Variants in CEP78 observed in about 807,000 individuals in gnomAD.
CEP78 encodes centrosomal protein of 78 kDa.
Under a neutral mutation model 81.2 loss-of-function variants are expected in CEP78, and 76 were observed. That is an observed-to-expected ratio of 0.94 (90% CI 0.78 to 1.13). The LOEUF is 1.13. CEP78 is among the 50% of genes most tolerant of loss of function. The pLI is 0.00. For synonymous variants in CEP78, 293 were observed against 301.4 expected (o/e 0.97, Z 0.29); for missense variants, 918 against 846.8 (o/e 1.08, Z -1.04).
At chr9:78,261,237 G>A (rs1425724917) in intron 11 of CEP78, among the ~76,000 whole-genome samples, 4 of 152,096 alleles carry the variant, frequency 2.6e-5, no homozygotes, top group Non-Finnish European at 4.4e-5. Context: ...ACCGTGCTCA[G>A]CCAGAATACT....
intron 1 of CEP78, among the ~76,000 whole-genome samples, chr9:78,237,660 T>A (rs1002782229): frequency 6.6e-6 from 1 of 151,904 alleles, no homozygotes; most frequent in African/African-American, 2.4e-5. Context: ...TGTCATAGAG[T>A]TGGATGTTTA....
intron 1 of CEP78, 73 bp downstream of exon 1, chr9:78,236,676 G>A: frequency 9.4e-6 from 14 of 1,491,008 alleles, no homozygotes; most frequent in Non-Finnish European, 1.2e-5. Flanking sequence ...GGTGTCCATT[G>A]TCGGGGTATG....
At chr9:78,242,461 A>G (rs1249547756) in intron 4 of CEP78, among the ~76,000 whole-genome samples, 1 of 152,200 alleles carries the variant, frequency 6.6e-6, no homozygotes, top group African/African-American at 2.4e-5. Flanking sequence ...ACTTGTGACC[A>G]TGGGCAAATT....
At position 78,266,790 on chromosome 9, in the gene CEP78, A is replaced by G. The variant is rs752288295; in HGVS notation, c.2107+87A>G. 22 of 1,541,390 alleles carry G rather than the reference A, an allele frequency of 1.4e-5. No individual in the cohort carries two copies. The South Asian group carries it at 2.7e-4, about 19-fold the overall frequency. ...TGACTGTCCTGAAAACCAGAAAAGC[A>G]AAGAAACTAGGGAAACTAGTTCTTT... On this transcript the variant is annotated intron_variant, in intron 16 of 16. Coordinates refer to ENST00000643273, the MANE Select transcript of CEP78 (RefSeq NM_001330691.3).
At chr9:78,261,286 A>G (rs938524083) in intron 11 of CEP78, among the ~76,000 whole-genome samples, 2 of 152,154 alleles carry the variant, frequency 1.3e-5, no homozygotes, top group Non-Finnish European at 2.9e-5. Context: ...AAATCTGCAT[A>G]TAATGGGCCT....
chr9:78,251,901 C>T lies in CEP78; in HGVS notation c.1070-7C>T, dbSNP rs1826778438. The T allele has an allele frequency of 1.2e-6, 2 of 1,602,706 alleles. No homozygotes were observed. The highest frequency in any genetic ancestry group is 2.2e-5 in the East Asian group (1 of 44,760). ...TTGATTCTTTCTTTTTAACACTTCT[C>T]AAGTAGGATTGGCTACAAAGAAACC... is the stretch of plus-strand genomic sequence containing the variant. On this transcript the variant is annotated splice_region_variant and splice_polypyrimidine_tract_variant and intron_variant, in intron 8 of 16. Transcript: ENST00000643273.
At chr9:78,262,463 T>G (rs1166238212) in intron 11 of CEP78, among the ~76,000 whole-genome samples, 1 of 152,154 alleles carries the variant, frequency 6.6e-6, no homozygotes, top group Admixed American at 6.5e-5. Context: ...TCTAATTCCT[T>G]TTGTATTTCA....
In CEP78 at chr9:78,275,004, G is replaced by T. The variant is rs933310800; in HGVS notation, c.*4153G>T. ...AGCAAATTTTGATCAGTGAAACACA[G>T]GTTTTTAAAAATGAAAGATAAACCT... is the stretch of plus-strand genomic sequence containing the variant. On this transcript the variant is annotated 3_prime_UTR_variant, in exon 17 of 17. Transcript: ENST00000643273. 2 of 151,886 alleles carry T rather than the reference G, an allele frequency of 1.3e-5. No individual in the cohort carries two copies. Among genetic ancestry groups the T allele is most frequent in the African/African-American group, 2.4e-5 (1 of 41,358 alleles). 9.4% of individuals were successfully genotyped at this position (151,886 alleles called of 1,614,324 possible). A position where few individuals can be genotyped will look rare whatever the true frequency, so the allele number is the denominator to read the frequency against.
Position 78,262,923 on chromosome 9 carries a change from G to A in CEP78, c.1397G>A (p.Cys466Tyr). The A allele has an allele frequency of 6.5e-7, 1 of 1,538,272 alleles. No individual in the cohort carries two copies. The highest frequency in any genetic ancestry group is 2.5e-5 in the East Asian group (1 of 40,662). ...QEALQEKLEE[C>Y]LKQLKEERVI... Reference sequence around the variant, plus strand: ...TAATACTAGGAAAAACTGGAGGAGTGCCTAAAGCAGTTAAAGGAAGAAAGA... The same window carrying A: ...TAATACTAGGAAAAACTGGAGGAGTACCTAAAGCAGTTAAAGGAAGAAAGA... Residue 466 changes from cysteine to tyrosine, a missense_variant, in exon 12 of 17, where the codon TGC becomes TAC. Transcript: ENST00000643273.
intron 9 of CEP78, 138 bp downstream of exon 9, chr9:78,252,181 C>A: frequency 1.4e-6 from 1 of 700,536 alleles, no homozygotes; most frequent in Non-Finnish European, 2.2e-6. Flanking sequence ...CCTCATGAAT[C>A]CTTTAAGGAA....
intron 12 of CEP78, among the ~76,000 whole-genome samples, chr9:78,263,889 C>T (rs1827390076): frequency 6.6e-6 from 1 of 151,692 alleles, no homozygotes; most frequent in Non-Finnish European, 1.5e-5. Context: ...TAGAATGATC[C>T]AGGTATGTAT....
intron 2 of CEP78, 32 bp from the exon 3 acceptor site, chr9:78,240,260 A>G (rs1005065596): frequency 3.7e-6 from 6 of 1,611,230 alleles, no homozygotes; most frequent in Admixed American, 1.7e-5. Flanking sequence ...AAAAACCTCA[A>G]TAACATTTTT....
At chr9:78,246,633 A>C in intron 5 of CEP78, 36 bp from the exon 6 acceptor site, 4 of 1,313,416 alleles carry the variant, frequency 3.0e-6, no homozygotes, top group Non-Finnish European at 4.3e-6. Context: ...AAATCTGTAT[A>C]GAATTAGCAA....
chr9:78,243,337 AC>A (rs1367478171), intron 4 of CEP78, 124 bp from the exon 5 acceptor site: 1 of 697,508 alleles, frequency 1.4e-6, no homozygotes, highest in African/African-American at 1.9e-5. Context: ...TGTCAGATTA[AC>A]CCACCTGGCA....
chr9:78,266,025 C>T, intron 15 of CEP78, 119 bp downstream of exon 15: 1 of 628,080 alleles, frequency 1.6e-6, no homozygotes. Context: ...CCACAGGAGT[C>T]CCCTGCTGCT....
intron 3 of CEP78, 132 bp downstream of exon 3, chr9:78,240,496 T>C (rs1332350083): frequency 5.3e-6 from 4 of 753,956 alleles, no homozygotes; most frequent in Non-Finnish European, 9.0e-6. Context: ...TGGTCCAGTC[T>C]CAAGTCTACC....
intron 13 of CEP78, 79 bp downstream of exon 13, chr9:78,264,395 T>G: frequency 8.4e-7 from 1 of 1,185,064 alleles, no homozygotes; most frequent in Non-Finnish European, 1.2e-6. Context: ...GCAATTTTTA[T>G]AGCTTTCTGA....
chr9:78,268,769 G>A (rs978933964), intron 16 of CEP78, among the ~76,000 whole-genome samples: 5 of 145,524 alleles, frequency 3.4e-5, no homozygotes, highest in African/African-American at 1.0e-4. Flanking sequence ...TGCAAGCTCC[G>A]CCTCAGCCTC....
chr9:78,242,158 A>C (rs1826263891), intron 4 of CEP78, among the ~76,000 whole-genome samples: 1 of 152,058 alleles, frequency 6.6e-6, no homozygotes, highest in African/African-American at 2.4e-5. Flanking sequence ...GATGGTGTAG[A>C]TCGGGGTAGT....
Sources: gnomAD v4.1 joint callset for allele counts (sites outside exome capture counted in the v4.1 genomes callset) on GRCh38, gnomAD v4.1.1 for gene constraint, MANE v1.5 for transcripts, NCBI Gene and HGNC (gene_info 2026-07-23, HGNC 2026-07-21) for gene names.